Variants in NLGN4X observed in about 807,000 individuals in gnomAD.
The protein encoded by NLGN4X is neuroligin-4, X-linked.
In NLGN4X, 3 loss-of-function variants were observed where a neutral mutation model predicts 40.3. That is an observed-to-expected ratio of 0.07 (90% CI 0.03 to 0.19). NLGN4X has a LOEUF of 0.19. Ranked by LOEUF, NLGN4X falls within the 10% of genes least tolerant of loss-of-function variation. NLGN4X has a pLI of 1.00. For missense variants in NLGN4X, 382 were observed against 708.3 expected, an observed-to-expected ratio of 0.54 and a Z score of 5.23; for synonymous variants, 270 against 306.8, an observed-to-expected ratio of 0.88 and a Z score of 1.25.
chrX:6,203,674 G>A (rs1367772569), intron 1 of NLGN4X, among the ~76,000 whole-genome samples: 1 of 112,115 alleles, frequency 8.9e-6, no homozygotes, highest in African/African-American at 3.2e-5. Flanking sequence ...CTCCTGCCAA[G>A]TGACACATAA....
At chrX:5,937,711 G>A (rs984865099) in intron 3 of NLGN4X, among the ~76,000 whole-genome samples, 27 of 111,607 alleles carry the variant, frequency 2.4e-4, no homozygotes, top group Middle Eastern at 9.2e-3. Context: ...GCTGGTACAA[G>A]TAACTATTGG....
chrX:5,892,695 G>T lies in NLGN4X; in HGVS notation c.*122C>A. ...TTTTGCATTTTTGTCTTAAGTCAGT[G>T]GGACAAAAACATTCCTGGTCTGGAG... On this transcript the variant is annotated 3_prime_UTR_variant, in exon 6 of 6. Transcript: ENST00000381095. 1 of 1,030,206 alleles carries T rather than the reference G, an allele frequency of 9.7e-7. No individual in the cohort carries two copies. Among genetic ancestry groups the T allele is most frequent in the East Asian group, 3.3e-5 (1 of 30,527 alleles). 84.9% of individuals were successfully genotyped at this position (1,030,206 alleles called of 1,213,427 possible).
intron 3 of NLGN4X, among the ~76,000 whole-genome samples, chrX:5,910,001 AT>A (rs2032405536): frequency 8.9e-6 from 1 of 111,794 alleles, no homozygotes; most frequent in Admixed American, 9.6e-5. Context: ...GAGGATCTAG[AT>A]TTTACTCAAG....
At chrX:5,914,259 T>G in intron 3 of NLGN4X, among the ~76,000 whole-genome samples, 1 of 112,099 alleles carries the variant, frequency 8.9e-6, no homozygotes, top group Admixed American at 9.5e-5. Context: ...CAGAAAAGTT[T>G]CCAATTTTTA....
At chrX:5,928,271 G>C (rs1168971711) in intron 3 of NLGN4X, among the ~76,000 whole-genome samples, 1 of 112,386 alleles carries the variant, frequency 8.9e-6, no homozygotes, top group African/African-American at 3.2e-5. Context: ...TCTAATATTT[G>C]TTTAGTATCT....
Position 5,890,339 on chromosome X carries a change from G to T in NLGN4X, c.*2478C>A. On this transcript the variant is annotated 3_prime_UTR_variant, in exon 6 of 6. Transcript: ENST00000381095. The stretch of plus-strand genomic sequence containing the variant: ...TGAAGATTCTATAACTTCTTTCCAT[G>T]TAGAAATAAGATATCATTTAAGATG... 1 of 191,078 alleles carries T rather than the reference G, an allele frequency of 5.2e-6. No homozygotes were observed. The highest frequency in any genetic ancestry group is 9.5e-6 in the Non-Finnish European group (1 of 105,398). The allele number at this position is 191,078 out of a possible 1,213,427, so 15.7% of individuals were successfully genotyped here.
chrX:6,217,183 T>C (rs1925158814), intron 1 of NLGN4X, among the ~76,000 whole-genome samples: 2 of 112,226 alleles, frequency 1.8e-5, no homozygotes, highest in African/African-American at 3.2e-5. Flanking sequence ...AAGTGAGCTA[T>C]GTATGCATAT....
At chrX:6,024,787 G>A (rs1338530677) in intron 3 of NLGN4X, among the ~76,000 whole-genome samples, 1 of 111,694 alleles carries the variant, frequency 9.0e-6, no homozygotes, top group Non-Finnish European at 1.9e-5. Context: ...GGAACCCTTA[G>A]TTCCAATAAT....
chrX:6,114,998 G>A lies in NLGN4X; in HGVS notation c.472+35997C>T, dbSNP rs370047364. On this transcript the variant is annotated intron_variant, in intron 2 of 5. Transcript: ENST00000381095. ...TATAGTCTAAACTAAATGGGTTCAT[G>A]TTCTAAAGTGGATCTTCATCTCTAA... 3.9e-4 allele frequency among the ~76,000 whole-genome samples: 44 copies of A among 112,475 alleles called. 1 individual carries two copies. Among genetic ancestry groups the A allele is most frequent in the African/African-American group, 9.7e-4 (30 of 30,947 alleles).
chrX:5,922,397 G>C (rs2033105758), intron 3 of NLGN4X, among the ~76,000 whole-genome samples: 1 of 111,567 alleles, frequency 9.0e-6, no homozygotes, highest in Non-Finnish European at 1.9e-5. Flanking sequence ...TAATGGATAT[G>C]CTAATTACTT....
chrX:6,112,587 T>A (rs1174848061), intron 2 of NLGN4X, among the ~76,000 whole-genome samples: 10 of 108,333 alleles, frequency 9.2e-5, no homozygotes, highest in African/African-American at 3.0e-4. Context: ...TTTTTTAATT[T>A]ATTTTTGTTT....
intron 1 of NLGN4X, among the ~76,000 whole-genome samples, chrX:6,169,530 C>T (rs143623081): frequency 3.0e-3 from 342 of 113,086 alleles, no homozygotes; most frequent in African/African-American, 0.011. Context: ...TCCTTGACCA[C>T]GGAACGAATT....
At chrX:5,915,656 C>T (rs1270035470) in intron 3 of NLGN4X, among the ~76,000 whole-genome samples, 1 of 111,904 alleles carries the variant, frequency 8.9e-6, no homozygotes, top group Non-Finnish European at 1.9e-5. Context: ...TCTCCTGCCT[C>T]AGCCTCAAGA....
chrX:6,004,390 T>A (rs1003671307), intron 3 of NLGN4X, among the ~76,000 whole-genome samples: 1 of 111,801 alleles, frequency 8.9e-6, no homozygotes, highest in African/African-American at 3.2e-5. Context: ...AAAAACAACA[T>A]AAGGGAAAAA....
chrX:6,141,552 G>A (rs10126716), intron 2 of NLGN4X, among the ~76,000 whole-genome samples: 8,674 of 111,574 alleles, frequency 0.078, 239 homozygotes, highest in East Asian at 0.15. Flanking sequence ...GGCCAGGCAC[G>A]GTGGCTCACA....
intron 3 of NLGN4X, among the ~76,000 whole-genome samples, chrX:5,945,085 A>T (rs1298096459): frequency 8.9e-6 from 1 of 112,346 alleles, no homozygotes; most frequent in Non-Finnish European, 1.9e-5. Flanking sequence ...ACCTACATTT[A>T]TCTTGTTGTA....
intron 3 of NLGN4X, among the ~76,000 whole-genome samples, chrX:5,971,902 G>T (rs2035030349): frequency 9.0e-6 from 1 of 111,532 alleles, no homozygotes. Context: ...AGTGAAGGAT[G>T]ACAATATTTC....
chrX:6,209,278 T>C (rs1924341946), intron 1 of NLGN4X, among the ~76,000 whole-genome samples: 1 of 112,159 alleles, frequency 8.9e-6, no homozygotes, highest in Admixed American at 9.5e-5. Flanking sequence ...ACTTAATGGA[T>C]ACAATGTATG....
At chrX:6,228,503 A>G (rs1274439109) in intron 1 of NLGN4X, 38 bp downstream of exon 1, 1 of 112,215 alleles carries the variant, frequency 8.9e-6, no homozygotes, top group Non-Finnish European at 1.9e-5. Flanking sequence ...TTAAAATGAG[A>G]ATAATGTCCC....
Sources: gnomAD v4.1 joint callset for allele counts (sites outside exome capture counted in the v4.1 genomes callset) on GRCh38, gnomAD v4.1.1 for gene constraint, MANE v1.5 for transcripts, NCBI Gene and HGNC (gene_info 2026-07-23, HGNC 2026-07-21) for gene names.